The following PTPN9 variants were observed in gnomAD, a reference collection of about 807,000 sequenced individuals.
PTPN9 encodes the protein protein tyrosine phosphatase non-receptor type 9.
PTPN9 carries 26 observed loss-of-function variants against 69.8 expected under a neutral mutation model. The observed-to-expected ratio is 0.37, with a 90% confidence interval of 0.27 to 0.52. The LOEUF is 0.52. Ranked by LOEUF, PTPN9 falls within the 20% of genes least tolerant of loss-of-function variation. The pLI is 0.91. For missense variants in PTPN9, 549 were observed against 740.3 expected (o/e 0.74, Z 3.00); for synonymous variants, 274 against 272.5 (o/e 1.01, Z -0.05).
At chr15:75,487,918 T>C (rs1357318542) in intron 8 of PTPN9, 1 of 152,232 alleles carries the variant, frequency 6.6e-6, no homozygotes, top group Non-Finnish European at 1.5e-5. Context: ...GTCCTTATAA[T>C]GTGTGTCATG....
intron 1 of PTPN9, among the ~76,000 whole-genome samples, chr15:75,532,401 CA>C (rs577778299): frequency 2.6e-3 from 342 of 133,034 alleles, no homozygotes; most frequent in Non-Finnish European, 3.0e-3. Flanking sequence ...GACTCTGTCT[CA>C]AAAAAAAAAA....
chr15:75,577,497 T>C (rs557375026), intron 1 of PTPN9, among the ~76,000 whole-genome samples: 1 of 152,124 alleles, frequency 6.6e-6, no homozygotes, highest in Non-Finnish European at 1.5e-5. Flanking sequence ...TCTTTTTAAA[T>C]TTTTTTCCCA....
intron 1 of PTPN9, among the ~76,000 whole-genome samples, chr15:75,572,920 G>T (rs1257234355): frequency 6.6e-6 from 1 of 152,050 alleles, no homozygotes; most frequent in Admixed American, 6.6e-5. Context: ...TGTTTCCTCT[G>T]GCAATACACA....
intron 5 of PTPN9, among the ~76,000 whole-genome samples, chr15:75,514,931 A>G (rs1046060001): frequency 8.5e-5 from 13 of 152,190 alleles, no homozygotes; most frequent in Non-Finnish European, 1.6e-4. Context: ...GATCAATGGA[A>G]ATCTTCACAC....
intron 1 of PTPN9, among the ~76,000 whole-genome samples, chr15:75,529,059 T>A (rs2074943517): frequency 6.6e-6 from 1 of 151,884 alleles, no homozygotes; most frequent in Non-Finnish European, 1.5e-5. Flanking sequence ...CGATCTTGGC[T>A]CACTGCAACC....
intron 7 of PTPN9, among the ~76,000 whole-genome samples, chr15:75,500,378 T>C (rs941694805): frequency 6.7e-6 from 1 of 149,846 alleles, no homozygotes; most frequent in African/African-American, 2.5e-5. Flanking sequence ...CACATATATA[T>C]ACACACACAA....
intron 2 of PTPN9, 121 bp downstream of exon 2, chr15:75,526,997 C>G: frequency 7.8e-7 from 1 of 1,274,232 alleles, no homozygotes; most frequent in Non-Finnish European, 1.1e-6. Flanking sequence ...GGATATGGAT[C>G]CATTTTTTAT....
At chr15:75,486,575 C>G (rs1369038626) in intron 8 of PTPN9, among the ~76,000 whole-genome samples, 1 of 152,094 alleles carries the variant, frequency 6.6e-6, no homozygotes, top group Non-Finnish European at 1.5e-5. Context: ...TTTGTTACAG[C>G]AGCCCAAACA....
intron 10 of PTPN9, among the ~76,000 whole-genome samples, chr15:75,472,521 G>A (rs1306444652): frequency 3.3e-5 from 5 of 151,882 alleles, no homozygotes; most frequent in South Asian, 2.1e-4. Flanking sequence ...CTGGCCAGGC[G>A]CAGTGGCCCA....
At chr15:75,490,632 CT>C (rs536756283) in intron 7 of PTPN9, among the ~76,000 whole-genome samples, 9 of 149,344 alleles carry the variant, frequency 6.0e-5, no homozygotes, top group Admixed American at 2.0e-4. Flanking sequence ...GAGCTTATCT[CT>C]TTTTTTTTTG....
intron 1 of PTPN9, among the ~76,000 whole-genome samples, chr15:75,540,010 C>T (rs770156935): frequency 6.6e-6 from 1 of 152,186 alleles, no homozygotes; most frequent in South Asian, 2.1e-4. Flanking sequence ...TTATATGTCA[C>T]GTTTTATTTA....
Position 75,466,048 on chromosome 15 carries a change from C to T in PTPN9, c.*2721G>A, listed in dbSNP as rs1426065351. 1.3e-5 allele frequency: 2 copies of T among 152,114 alleles called. No homozygotes were observed. The highest frequency in any genetic ancestry group is 4.8e-5 in the African/African-American group (2 of 41,414). 9.4% of individuals were successfully genotyped at this position (152,114 alleles called of 1,614,324 possible). ...GAGCTCCTGATTATGGTAAGAAACT[C>T]GATAAAAATTTATTGGCAGATCAGA... On this transcript the variant is annotated 3_prime_UTR_variant, in exon 13 of 13. Transcript: ENST00000618819.
chr15:75,516,843 C>T (rs373364010), intron 5 of PTPN9, among the ~76,000 whole-genome samples: 152 of 149,094 alleles, frequency 1.0e-3, no homozygotes, highest in African/African-American at 3.4e-3. Context: ...CTCCCAGGTT[C>T]GAGCGATTCT....
At position 75,473,709 on chromosome 15, in the gene PTPN9, C is replaced by G; in HGVS notation, c.1188G>C (p.Leu396Phe). 1 of 1,581,618 alleles carries G rather than the reference C, an allele frequency of 6.3e-7. No individual in the cohort carries two copies. Residue 396 changes from leucine (L) to phenylalanine (F), a missense_variant, in exon 10 of 13, where the codon TTG becomes TTC. This residue lies in a region of PTPN9 where 457 missense variants were observed against 661.9 expected (regional missense o/e 0.69). Coordinates refer to ENST00000618819, the MANE Select transcript of PTPN9 (RefSeq NM_002833.4). ...CTCACCGGGTGGTCATGACAATCAC[C>G]AAGACTTTTTGCTCCCATACCATGA... is the stretch of plus-strand genomic sequence containing the variant. ...FWLMVWEQKV[L>F]VIVMTTRFEE...
chr15:75,497,786 G>A (rs8041160), intron 7 of PTPN9, among the ~76,000 whole-genome samples: 30,386 of 135,588 alleles, frequency 0.22, 3,510 homozygotes, highest in Non-Finnish European at 0.27. Flanking sequence ...TGGGCAACAA[G>A]AGCAAAACTC....
intron 7 of PTPN9, among the ~76,000 whole-genome samples, chr15:75,504,043 C>A (rs2074795796): frequency 7.9e-6 from 1 of 126,454 alleles, no homozygotes; most frequent in Admixed American, 7.5e-5. Flanking sequence ...GGCTCAGCCC[C>A]CCGCCCGGCC....
chr15:75,487,462 C>T (rs1321692930), intron 8 of PTPN9: 2 of 152,116 alleles, frequency 1.3e-5, no homozygotes, highest in Admixed American at 6.6e-5. Flanking sequence ...TTCATATTAA[C>T]CACAGGATGA....
At chr15:75,532,244 TACAA>T (rs962847226) in intron 1 of PTPN9, among the ~76,000 whole-genome samples, 11 of 151,720 alleles carry the variant, frequency 7.3e-5, no homozygotes, top group Non-Finnish European at 1.5e-4. Flanking sequence ...CTACTGAAAA[TACAA>T]ACAATTAACA....
intron 1 of PTPN9, among the ~76,000 whole-genome samples, chr15:75,573,147 G>C (rs1366542049): frequency 2.6e-5 from 4 of 152,136 alleles, no homozygotes; most frequent in Non-Finnish European, 5.9e-5. Flanking sequence ...ACCTAGACCT[G>C]GGTGGAAATC....
Sources: gnomAD v4.1 joint callset for allele counts (sites outside exome capture counted in the v4.1 genomes callset) on GRCh38, gnomAD v4.1.1 for gene constraint, gnomAD v4.1.1 regional missense constraint, MANE v1.5 for transcripts, NCBI Gene and HGNC (gene_info 2026-07-23, HGNC 2026-07-21) for gene names.